The following MYH15 variants were observed in gnomAD, a reference collection of about 807,000 sequenced individuals.
MYH15 encodes the protein myosin heavy chain 15.
In MYH15, 227 loss-of-function variants were observed where a neutral mutation model predicts 240.5. The observed-to-expected ratio is 0.94, with a 90% confidence interval of 0.85 to 1.05. MYH15 has a LOEUF of 1.05. Among genes scored for constraint, MYH15 ranks in the 50% least tolerant of loss-of-function variants. The pLI is 0.00. For synonymous variants in MYH15, 785 were observed against 796.7 expected, an observed-to-expected ratio of 0.99 and a Z score of 0.25; for missense variants, 2,217 against 2,247.5, an observed-to-expected ratio of 0.99 and a Z score of 0.27.
intron 24 of MYH15, 102 bp from the exon 25 acceptor site, chr3:108,437,801 G>A: frequency 1.2e-6 from 1 of 849,638 alleles, no homozygotes; most frequent in South Asian, 2.1e-5. Context: ...AAAGACACAA[G>A]CACAAATTCT....
chr3:108,501,836 T>A lies in MYH15; in HGVS notation c.215A>T (p.Asp72Val), dbSNP rs1390010884. 1 of 1,613,914 alleles carries A rather than the reference T, an allele frequency of 6.2e-7. No individual in the cohort carries two copies. The highest frequency in any genetic ancestry group is 8.5e-7 in the Non-Finnish European group (1 of 1,179,936). The change falls in exon 3 of 41, where the codon GAC becomes GTC. Residue 72 changes from aspartate (D) to valine (V), a missense_variant. Coordinates refer to ENST00000693548, the MANE Select transcript of MYH15 (RefSeq NM_014981.3). ...ADGESLSIKEDKIQQMNPPEF... is the reference protein window; with the variant it reads ...ADGESLSIKEVKIQQMNPPEF... ...TGGAGGATTCATCTGCTGGATTTTG[T>A]CCTCCTTTATGCTCAGACTCTGCAG...
At chr3:108,427,203 G>A (rs2107559055) in intron 27 of MYH15, among the ~76,000 whole-genome samples, 1 of 152,360 alleles carries the variant, frequency 6.6e-6, no homozygotes, top group East Asian at 1.9e-4. Flanking sequence ...GAGGTAGAAT[G>A]AATGTATTTT....
At chr3:108,507,244 T>TGA (rs375556540) in intron 1 of MYH15, among the ~76,000 whole-genome samples, 3 of 64,912 alleles carry the variant, frequency 4.6e-5, no homozygotes, top group Admixed American at 2.7e-4. Flanking sequence ...TATATATATA[T>TGA]ATATATATAT....
At chr3:108,521,250 A>G (rs1576281506) in intron 1 of MYH15, among the ~76,000 whole-genome samples, 1 of 152,118 alleles carries the variant, frequency 6.6e-6, no homozygotes, top group East Asian at 1.9e-4. Context: ...CAGCTAATTG[A>G]TTGCTACAAA....
rs985210235 is a variant in MYH15, at chr3:108,442,929, T to A, written c.2656-1669A>T. On this transcript the variant is annotated intron_variant, in intron 22 of 40. Transcript: ENST00000693548. ...CAGCCTTCTTGGGTTTGCTCTAGAG[T>A]TTGCTTCCATGTGTTTCCCATGCTC... is the stretch of plus-strand genomic sequence containing the variant. Among the ~76,000 whole-genome samples, 3 of 151,900 alleles carry A rather than the reference T, an allele frequency of 2.0e-5. No individual in the cohort carries two copies. In the East Asian group the frequency reaches 5.8e-4, roughly 29 times the overall value.
At chr3:108,531,362 G>A (rs750575926), upstream of MYH15, among the ~76,000 whole-genome samples, 9 of 152,260 alleles carry the variant, frequency 5.9e-5, no homozygotes, top group South Asian at 4.1e-4. Flanking sequence ...TGGCCTGTGC[G>A]TTGTAAAGTG....
Position 108,416,866 on chromosome 3 carries a change from G to C in MYH15, c.3894C>G (p.Ser1298Arg). Residue 1298 changes from serine to arginine, a missense_variant, in exon 29 of 41, where the codon AGC becomes AGG. Transcript: ENST00000693548. ...GGTCTTCAATCTGCCGAGTGAAGTT[G>C]CTCTTTTCCCTGGAAAGTTGGTTTA... ...ALINQLSREK[S>R]NFTRQIEDLR... is the part of the protein sequence containing the mutation. The C allele has an allele frequency of 6.2e-7, 1 of 1,614,024 alleles. No individual in the cohort carries two copies. The highest frequency in any genetic ancestry group is 8.5e-7 in the Non-Finnish European group (1 of 1,179,958).
intron 35 of MYH15, among the ~76,000 whole-genome samples, chr3:108,395,095 G>A (rs751699073): frequency 6.6e-6 from 1 of 151,968 alleles, no homozygotes; most frequent in African/African-American, 2.4e-5. Flanking sequence ...GTGAAACCCC[G>A]TCTCTACCAA....
chr3:108,500,047 T>C lies in MYH15; in HGVS notation c.496+71A>G, dbSNP rs576134746. The C allele has an allele frequency of 2.0e-6, 3 of 1,475,866 alleles. No individual in the cohort carries two copies. The South Asian group carries it at 4.0e-5, about 19-fold the overall frequency. 91.4% of individuals were successfully genotyped at this position (1,475,866 alleles called of 1,614,324 possible). A position where few individuals can be genotyped will look rare whatever the true frequency, so the allele number is the denominator to read the frequency against. On this transcript the variant is annotated intron_variant, in intron 4 of 40. Transcript: ENST00000693548. ...CCATGCTCTGCTCACAATGCCTAAG[T>C]GCCTCTTAGGGACATAGAGAAAAAG... is the stretch of plus-strand genomic sequence containing the variant.
intron 1 of MYH15, among the ~76,000 whole-genome samples, chr3:108,519,394 A>G (rs1051287446): frequency 3.3e-5 from 5 of 152,210 alleles, no homozygotes; most frequent in African/African-American, 1.2e-4. Flanking sequence ...ATGGAGTCTT[A>G]GAACTAAAAG....
At chr3:108,395,067 A>G (rs1191271769) in intron 35 of MYH15, among the ~76,000 whole-genome samples, 2 of 151,980 alleles carry the variant, frequency 1.3e-5, no homozygotes, top group East Asian at 3.9e-4. Context: ...GGAGTTTGAG[A>G]CCAGCCTGGG....
intron 22 of MYH15, among the ~76,000 whole-genome samples, chr3:108,443,679 T>A (rs915705698): frequency 1.3e-5 from 2 of 151,878 alleles, no homozygotes; most frequent in African/African-American, 2.4e-5. Flanking sequence ...AACCAGGTGT[T>A]TGGAATCTAA....
At chr3:108,530,306 A>G (rs2083703156), upstream of MYH15, among the ~76,000 whole-genome samples, 1 of 152,230 alleles carries the variant, frequency 6.6e-6, no homozygotes, top group Non-Finnish European at 1.5e-5. Context: ...TAGAATTCAC[A>G]ATGTCTGGCA....
chr3:108,510,894 A>G (rs1004510814), upstream of MYH15, among the ~76,000 whole-genome samples: 5 of 152,180 alleles, frequency 3.3e-5, no homozygotes, highest in Admixed American at 3.3e-4. Context: ...AGTAATATGA[A>G]TGATACATAT....
intron 28 of MYH15, among the ~76,000 whole-genome samples, chr3:108,418,330 T>C (rs2082651386): frequency 6.6e-6 from 1 of 152,214 alleles, no homozygotes; most frequent in Non-Finnish European, 1.5e-5. Context: ...AATTCATTTT[T>C]CCTGCTTCTT....
In MYH15 at chr3:108,442,796, T is replaced by G. The variant is rs1324322145; in HGVS notation, c.2656-1536A>C. 2.0e-5 allele frequency among the ~76,000 whole-genome samples: 3 copies of G among 151,324 alleles called. No individual in the cohort carries two copies. The East Asian group carries it at 5.8e-4, about 29-fold the overall frequency. ...TCTTTTTTTTTTTTTTGGATTCTTTTGTGTTTAGCTTTCTCCCTTAAAATA... is the reference window on the plus strand; with the variant it reads ...TCTTTTTTTTTTTTTTGGATTCTTTGGTGTTTAGCTTTCTCCCTTAAAATA... On this transcript the variant is annotated intron_variant, in intron 22 of 40. Coordinates refer to ENST00000693548, the MANE Select transcript of MYH15 (RefSeq NM_014981.3).
rs1417012167 is a variant in MYH15 at position 108,492,545 on chromosome 3, A to T, written c.826T>A (p.Tyr276Asn). ...GATAGAATTTGATAGAATATGTGGT[A>T]GTTCCTCTCTCCAGCCTGCTGGAAA... ...VIFQQAGERN[Y>N]HIFYQILSGQ... Residue 276 changes from tyrosine (Y) to asparagine (N), a missense_variant, in exon 9 of 41, where the codon TAC becomes AAC. By Grantham distance (143) the Tyr-to-Asn change is moderately radical. Transcript: ENST00000693548. The T allele has an allele frequency of 6.2e-7, 1 of 1,613,768 alleles. No homozygotes were observed. Among genetic ancestry groups the T allele is most frequent in the Non-Finnish European group, 8.5e-7 (1 of 1,179,710 alleles).
intron 37 of MYH15, among the ~76,000 whole-genome samples, chr3:108,391,167 T>C (rs1038658466): frequency 1.3e-5 from 2 of 152,208 alleles, no homozygotes; most frequent in Admixed American, 6.5e-5. Flanking sequence ...AGTTGAATAT[T>C]CTTTCCATTC....
chr3:108,419,257 C>A lies in MYH15; in HGVS notation c.3829+1831G>T, dbSNP rs34611117. Among the ~76,000 whole-genome samples, 7 of 152,024 alleles carry A rather than the reference C, an allele frequency of 4.6e-5. No homozygotes were observed. In the South Asian group the frequency reaches 8.3e-4, roughly 18 times the overall value. ...ACAAAAACAAATAAACAATCTGGAA[C>A]GTGGACCCAGTGAGGGGAGGATAGG... On this transcript the variant is annotated intron_variant, in intron 28 of 40. Transcript: ENST00000693548.
Sources: gnomAD v4.1 joint callset for allele counts (sites outside exome capture counted in the v4.1 genomes callset) on GRCh38, gnomAD v4.1.1 for gene constraint, MANE v1.5 for transcripts, NCBI Gene and HGNC (gene_info 2026-07-23, HGNC 2026-07-21) for gene names.